TTYH2: variants seen among roughly 807,000 people sequenced by gnomAD.
The protein encoded by TTYH2 is protein tweety homolog 2.
In TTYH2, 49 loss-of-function variants were observed where a neutral mutation model predicts 68.3. The observed-to-expected ratio is 0.72, with a 90% confidence interval of 0.57 to 0.91. The LOEUF (loss-of-function observed/expected upper bound fraction) is 0.91. TTYH2 is among the 40% of genes least tolerant of loss of function. TTYH2 has a pLI of 0.00. For missense variants in TTYH2, 631 were observed against 700.4 expected (o/e 0.90, Z 1.12); for synonymous variants, 272 against 300.8 (o/e 0.90, Z 0.99).
Position 74,248,446 on chromosome 17 carries a change from C to G in TTYH2, c.805-565C>G, listed in dbSNP as rs945821355. 5.1e-6 allele frequency: 5 copies of G among 987,586 alleles called. No homozygotes were observed. In the East Asian group the frequency reaches 5.6e-4, roughly 111 times the overall value. 61.2% of individuals were successfully genotyped at this position (987,586 alleles called of 1,614,324 possible). ...CCTCTCAGCTCCATGCCCTTCCCAC[C>G]CCATGTCTTGGCAGGTGAGCACCTG... On this transcript the variant is annotated intron_variant, in intron 6 of 13. Coordinates refer to ENST00000269346, the MANE Select transcript of TTYH2 (RefSeq NM_032646.6).
intron 13 of TTYH2, among the ~76,000 whole-genome samples, chr17:74,258,369 G>A (rs778964359): frequency 1.3e-5 from 2 of 151,688 alleles, no homozygotes; most frequent in Non-Finnish European, 2.9e-5. Context: ...AGGACCAAGC[G>A]ATTCTCCTGC....
In TTYH2 at chr17:74,222,926, AT is replaced by A. The variant is rs2050292078; in HGVS notation, c.302+272del. 6.6e-6 allele frequency among the ~76,000 whole-genome samples: 1 copy of A among 151,966 alleles called. No homozygotes were observed. Among genetic ancestry groups the A allele is most frequent in the South Asian group, 2.1e-4 (1 of 4,820 alleles). On this transcript the variant is annotated intron_variant, in intron 2 of 13. Transcript: ENST00000269346. This position sits in a 1 kb window ranked among gnomAD's most constrained non-coding sequence, Gnocchi z 5.2. ...TGTGCCCAGCAGCTGTGCAGGCAGCATTTCTGCACCGACACTGGGCATCTCC... is the reference window on the plus strand; with the variant it reads ...TGTGCCCAGCAGCTGTGCAGGCAGCATTCTGCACCGACACTGGGCATCTCC...
intron 6 of TTYH2, among the ~76,000 whole-genome samples, chr17:74,246,546 G>A (rs1208977597): frequency 1.3e-5 from 2 of 152,054 alleles, no homozygotes; most frequent in African/African-American, 4.8e-5. Context: ...TCCATTCTCA[G>A]GAGCTGCCTG....
rs2050235136 is a variant in TTYH2, at chr17:74,217,756, AG to A, written c.129+4041del. 6.6e-6 allele frequency among the ~76,000 whole-genome samples: 1 copy of A among 152,250 alleles called. No homozygotes were observed. Among genetic ancestry groups the A allele is most frequent in the South Asian group, 2.1e-4 (1 of 4,824 alleles). ...TGCCCCCTCCCCTGCCCAGTGCAGA[AG>A]CCCCTTGGGTCCCGCTGCCATGGTC... On this transcript the variant is annotated intron_variant, in intron 1 of 13. Coordinates refer to ENST00000269346, the MANE Select transcript of TTYH2 (RefSeq NM_032646.6). This position sits in a 1 kb window ranked among gnomAD's most constrained non-coding sequence, Gnocchi z 4.0.
At chr17:74,249,608 T>G (rs2050597773) in intron 8 of TTYH2, among the ~76,000 whole-genome samples, 1 of 152,162 alleles carries the variant, frequency 6.6e-6, no homozygotes, top group Admixed American at 6.5e-5. Context: ...CGGGAGCTAG[T>G]TCCCATGCAG....
At chr17:74,245,187 G>A (rs2050544327) in intron 6 of TTYH2, among the ~76,000 whole-genome samples, 1 of 152,228 alleles carries the variant, frequency 6.6e-6, no homozygotes. Flanking sequence ...TTGTGCAGAA[G>A]GGAGAAGAGG....
chr17:74,235,022 G>A (rs957549506), intron 3 of TTYH2, among the ~76,000 whole-genome samples: 3 of 152,140 alleles, frequency 2.0e-5, no homozygotes, highest in Admixed American at 2.0e-4. Flanking sequence ...GCACATGGTA[G>A]AGTGTCTCCG....
chr17:74,245,408 A>G (rs1311249500), intron 6 of TTYH2, among the ~76,000 whole-genome samples: 1 of 152,242 alleles, frequency 6.6e-6, no homozygotes, highest in Non-Finnish European at 1.5e-5. Context: ...TGCAGGGAGC[A>G]CACGGCGAAC....
chr17:74,252,308 C>T lies in TTYH2; in HGVS notation c.1191C>T (p.Phe397=), dbSNP rs2050640501. 3.1e-6 allele frequency: 5 copies of T among 1,613,954 alleles called. No individual in the cohort carries two copies. Among genetic ancestry groups the T allele is most frequent in the Non-Finnish European group, 4.2e-6 (5 of 1,180,034 alleles). Residue 397 remains phenylalanine, a synonymous_variant, in exon 11 of 14, where the codon TTC becomes TTT. Coordinates refer to ENST00000269346, the MANE Select transcript of TTYH2 (RefSeq NM_032646.6). The part of the protein sequence containing the change: ...QGLLYLGLFS[F]LAALAFSTMI... ...TGCTGTACCTTGGCCTCTTCTCCTT[C>T]CTGGCCGCCCTCGCCTTCTCCACCA...
chr17:74,259,794 T>G (rs1389935456), intron 13 of TTYH2, among the ~76,000 whole-genome samples: 1 of 152,174 alleles, frequency 6.6e-6, no homozygotes, highest in Non-Finnish European at 1.5e-5. Context: ...TTGAACCTGC[T>G]TCTCTGAGTC....
rs2050234191 is a variant in TTYH2 at position 74,217,681 on chromosome 17, C to G, written c.129+3965C>G. Among the ~76,000 whole-genome samples, 1 of 152,212 alleles carries G rather than the reference C, an allele frequency of 6.6e-6. No individual in the cohort carries two copies. Among genetic ancestry groups the G allele is most frequent in the African/African-American group, 2.4e-5 (1 of 41,458 alleles). ...GCTCCTAGTTTCCCTCTCCCAGCCT[C>G]CCCCTGAGACCGGCACACCTCTCTC... On this transcript the variant is annotated intron_variant, in intron 1 of 13. Transcript: ENST00000269346. This position sits in a 1 kb window ranked among gnomAD's most constrained non-coding sequence, Gnocchi z 4.0.
chr17:74,253,445 A>G (rs2050658727), intron 12 of TTYH2, among the ~76,000 whole-genome samples, 179 bp downstream of exon 12: 1 of 152,118 alleles, frequency 6.6e-6, no homozygotes, highest in Non-Finnish European at 1.5e-5. Flanking sequence ...CCACACCCAC[A>G]TGTGCTGGGG....
At chr17:74,257,486 G>A (rs774087578) in intron 13 of TTYH2, among the ~76,000 whole-genome samples, 49 of 152,228 alleles carry the variant, frequency 3.2e-4, no homozygotes, top group Non-Finnish European at 5.3e-4. Context: ...TCCCCGGGGC[G>A]CCTGCTCTAA....
intron 11 of TTYH2, 134 bp from the exon 12 acceptor site, chr17:74,252,947 T>G: frequency 1.1e-6 from 1 of 891,684 alleles, no homozygotes; most frequent in African/African-American, 1.7e-5. Context: ...GGGGACCGCG[T>G]TTTAGAGGAG....
Position 74,239,294 on chromosome 17 carries a change from G to A in TTYH2, c.635+1780G>A, listed in dbSNP as rs1434409743. Among the ~76,000 whole-genome samples, 1 of 152,200 alleles carries A rather than the reference G, an allele frequency of 6.6e-6. No homozygotes were observed. Among genetic ancestry groups the A allele is most frequent in the African/African-American group, 2.4e-5 (1 of 41,458 alleles). Reference sequence around the variant, plus strand: ...TTGGAGGGCTCCCGGCTGAATGATGGCCTGGGCTTGTGCTCCCAGGGCCCG... The same window carrying A: ...TTGGAGGGCTCCCGGCTGAATGATGACCTGGGCTTGTGCTCCCAGGGCCCG... On this transcript the variant is annotated intron_variant, in intron 4 of 13. Coordinates refer to ENST00000269346, the MANE Select transcript of TTYH2 (RefSeq NM_032646.6). This position sits in a 1 kb window ranked among gnomAD's most constrained non-coding sequence, Gnocchi z 5.3.
chr17:74,251,249 GGTGTGTGC>G (rs527826447), intron 10 of TTYH2, among the ~76,000 whole-genome samples: 6 of 149,372 alleles, frequency 4.0e-5, no homozygotes, highest in Non-Finnish European at 8.9e-5. Flanking sequence ...TGGGGTGTGT[GGTGTGTGC>G]GTGTGTGTGG....
intron 13 of TTYH2, among the ~76,000 whole-genome samples, chr17:74,256,519 C>T (rs1050836926): frequency 2.0e-5 from 3 of 152,210 alleles, no homozygotes; most frequent in African/African-American, 7.2e-5. Flanking sequence ...GTGCTTTTGC[C>T]TGGAGCACCT....
intron 6 of TTYH2, among the ~76,000 whole-genome samples, chr17:74,244,916 T>C (rs1292960229): frequency 2.0e-5 from 3 of 151,706 alleles, no homozygotes; most frequent in Non-Finnish European, 4.4e-5. Context: ...ATGCACGTGA[T>C]AGAAGAGAAC....
chr17:74,260,188 C>G lies in TTYH2; in HGVS notation c.1584C>G (p.Tyr528Ter). Reference protein sequence around the residue: ...LSVADEHLRHYGNQFPA With the variant: ...LSVADEHLRH ...TGGCGGATGAGCACCTGAGGCACTA[C>G]GGGAATCAGTTTCCAGCCTAACAGA... The change falls in exon 14 of 14, where the codon TAC (tyrosine) becomes TAG (stop). Residue 528 changes from tyrosine (Y) to a stop codon, truncating the protein, a stop_gained. Transcript: ENST00000269346. LOFTEE classifies it high-confidence loss of function. 1 of 1,613,956 alleles carries G rather than the reference C, an allele frequency of 6.2e-7. No individual in the cohort carries two copies. The highest frequency in any genetic ancestry group is 1.1e-5 in the South Asian group (1 of 91,074).
Sources: gnomAD v4.1 joint callset for allele counts (sites outside exome capture counted in the v4.1 genomes callset) on GRCh38, gnomAD v4.1.1 for gene constraint, Gnocchi (gnomAD v3.1) non-coding constraint, MANE v1.5 for transcripts, NCBI Gene and HGNC (gene_info 2026-07-23, HGNC 2026-07-21) for gene names.